Variants in PAX8 observed in about 807,000 individuals in gnomAD.
PAX8 encodes paired box protein Pax-8.
Under a neutral mutation model 52.4 loss-of-function variants are expected in PAX8, and 15 were observed. The observed-to-expected ratio is 0.29, with a 90% confidence interval of 0.19 to 0.44. The LOEUF is 0.44. Among genes scored for constraint, PAX8 ranks in the 20% least tolerant of loss-of-function variants. The pLI, the probability that PAX8 is intolerant of heterozygous loss-of-function variation, is 1.00. For missense variants in PAX8, 554 were observed against 602.5 expected (o/e 0.92, Z 0.84); for synonymous variants, 284 against 249.7 (o/e 1.14, Z -1.29).
At chr2:113,252,261 G>C (rs1691828130) in intron 2 of PAX8, among the ~76,000 whole-genome samples, 1 of 152,176 alleles carries the variant, frequency 6.6e-6, no homozygotes, top group Non-Finnish European at 1.5e-5. Context: ...ATCATGCCAG[G>C]CCTATACGCC....
chr2:113,227,060 G>A, intron 10 of PAX8, 95 bp downstream of exon 10: 2 of 1,535,984 alleles, frequency 1.3e-6, no homozygotes, highest in Non-Finnish European at 1.7e-6. Context: ...GGAAGTCTAT[G>A]AATAGGGCAC....
At chr2:113,266,219 CT>C (rs1257113585) in intron 2 of PAX8, 1 of 152,148 alleles carries the variant, frequency 6.6e-6, no homozygotes, top group Non-Finnish European at 1.5e-5. Context: ...ATCACGACTT[CT>C]GTAGGTAGCT....
Position 113,217,515 on chromosome 2 carries a change from C to G in PAX8, c.*1018G>C, listed in dbSNP as rs977868939. The stretch of plus-strand genomic sequence containing the variant: ...TAGAAAGAAGGAAGCTTGACCCAAA[C>G]AAAGTTTCATTTACAGTATATACAG... On this transcript the variant is annotated 3_prime_UTR_variant, in exon 12 of 12. Coordinates refer to ENST00000429538, the MANE Select transcript of PAX8 (RefSeq NM_003466.4). 4.3e-6 allele frequency: 1 copy of G among 230,720 alleles called. No individual in the cohort carries two copies. Among genetic ancestry groups the G allele is most frequent in the Non-Finnish European group, 8.6e-6 (1 of 116,272 alleles). 14.3% of individuals were successfully genotyped at this position (230,720 alleles called of 1,614,324 possible).
intron 10 of PAX8, chr2:113,226,722 C>A: frequency 8.8e-7 from 1 of 1,130,516 alleles, no homozygotes; most frequent in East Asian, 4.8e-5. Context: ...TTTTACAGAA[C>A]GGGTAAACTG....
At chr2:113,221,554 T>C (rs539110495) in intron 10 of PAX8, among the ~76,000 whole-genome samples, 79 of 152,334 alleles carry the variant, frequency 5.2e-4, no homozygotes, top group African/African-American at 1.8e-3. Context: ...CCTATCTCAT[T>C]TGGTTTAATG....
intron 2 of PAX8, among the ~76,000 whole-genome samples, chr2:113,252,637 G>T (rs1169364765): frequency 1.3e-5 from 2 of 152,312 alleles, no homozygotes; most frequent in Admixed American, 1.3e-4. Flanking sequence ...ATGACCCTTG[G>T]TTACCTCTGT....
At chr2:113,251,784 C>T (rs1447277586) in intron 2 of PAX8, among the ~76,000 whole-genome samples, 1 of 152,200 alleles carries the variant, frequency 6.6e-6, no homozygotes, top group East Asian at 1.9e-4. Flanking sequence ...GCACCAATAT[C>T]CAAACCCTTA....
At chr2:113,244,932 AG>A (rs1191549694) in intron 3 of PAX8, among the ~76,000 whole-genome samples, 2 of 152,188 alleles carry the variant, frequency 1.3e-5, no homozygotes. Flanking sequence ...GGGGCACAAA[AG>A]ATTTCCCTTC....
intron 2 of PAX8, chr2:113,268,239 T>G (rs1344519631): frequency 6.6e-6 from 1 of 152,402 alleles, no homozygotes; most frequent in Non-Finnish European, 1.5e-5. Flanking sequence ...TTCATTTCCT[T>G]GGGTCCTGCT....
chr2:113,266,872 A>G (rs1198430347), intron 2 of PAX8: 2 of 152,236 alleles, frequency 1.3e-5, no homozygotes. Context: ...ACCTCTGCCC[A>G]CCCTGTGGGG....
chr2:113,273,676 A>T (rs1693617953), intron 2 of PAX8: 1 of 152,246 alleles, frequency 6.6e-6, no homozygotes, highest in African/African-American at 2.4e-5. Flanking sequence ...AGAACCAATT[A>T]ATAAATGCTA....
intron 7 of PAX8, chr2:113,238,881 C>T (rs1227481243): frequency 6.6e-6 from 1 of 152,168 alleles, no homozygotes; most frequent in African/African-American, 2.4e-5. Flanking sequence ...ATTTCAGAAT[C>T]GTGAAGAGTC....
chr2:113,270,675 A>C (rs1192483318), intron 2 of PAX8: 1 of 152,196 alleles, frequency 6.6e-6, no homozygotes, highest in South Asian at 2.1e-4. Context: ...ACAGCAGATT[A>C]AGCCATTTCT....
chr2:113,277,573 C>G (rs1298828112), intron 2 of PAX8, among the ~76,000 whole-genome samples: 6 of 152,126 alleles, frequency 3.9e-5, no homozygotes, highest in Non-Finnish European at 8.8e-5. Context: ...GGCCGCGCTG[C>G]GCCTCCACCG....
At chr2:113,240,353 C>A (rs1690713270) in intron 7 of PAX8, 1 of 152,252 alleles carries the variant, frequency 6.6e-6, no homozygotes, top group African/African-American at 2.4e-5. Flanking sequence ...GACCAGCAGC[C>A]CAGACGGTCA....
chr2:113,240,585 A>T (rs1690733975), intron 7 of PAX8: 1 of 152,208 alleles, frequency 6.6e-6, no homozygotes, highest in South Asian at 2.1e-4. Context: ...AGAGCTGCAG[A>T]GTCTTTGTTG....
chr2:113,263,192 CCATCTTGTTCAT>C (rs1692816098), intron 2 of PAX8: 2 of 152,268 alleles, frequency 1.3e-5, no homozygotes, highest in South Asian at 4.1e-4. Context: ...ATACTTGCTA[CCATCTTGTTCAT>C]CATCTTGTTC....
chr2:113,223,798 G>C (rs925150140), intron 10 of PAX8, among the ~76,000 whole-genome samples: 2 of 152,128 alleles, frequency 1.3e-5, no homozygotes, highest in Non-Finnish European at 2.9e-5. Context: ...TAGGTTATAA[G>C]CTCCAGGAAT....
chr2:113,254,834 C>G (rs1344474592), intron 2 of PAX8, among the ~76,000 whole-genome samples: 1 of 152,156 alleles, frequency 6.6e-6, no homozygotes, highest in East Asian at 1.9e-4. Context: ...AGTGCCCGTC[C>G]TCACCTTCTC....
Sources: allele counts gnomAD v4.1 joint callset (sites outside exome capture counted in the v4.1 genomes callset), GRCh38; gene constraint gnomAD v4.1.1; transcripts MANE v1.5; gene names NCBI Gene and HGNC (gene_info 2026-07-23, HGNC 2026-07-21).